Variants in SLC13A1 observed in about 807,000 individuals in gnomAD.
The protein encoded by SLC13A1 is solute carrier family 13 member 1, also known as Na(+)/sulfate cotransporter.
A neutral mutation model predicts 70.0 loss-of-function variants in SLC13A1; 65 were observed. The observed-to-expected ratio is 0.93, with a 90% CI of 0.76 to 1.14. SLC13A1 has a LOEUF of 1.14. SLC13A1 is among the 50% of genes most tolerant of loss of function. The probability of loss-of-function intolerance (pLI) is 0.00; values close to 1 mark genes in which losing one functional copy is unlikely to be tolerated. For missense variants in SLC13A1, 726 were observed against 717.8 expected (o/e 1.01, Z -0.13); for synonymous variants, 275 against 250.5 (o/e 1.10, Z -0.92).
intron 11 of SLC13A1, 85 bp from the exon 12 acceptor site, chr7:123,123,320 C>A: frequency 1.2e-6 from 1 of 848,374 alleles, no homozygotes; most frequent in South Asian, 1.4e-5. Context: ...AGCCATCTTA[C>A]AGGAAGTTTG....
chr7:123,118,288 A>G (rs1404837923), intron 13 of SLC13A1, among the ~76,000 whole-genome samples: 1 of 152,190 alleles, frequency 6.6e-6, no homozygotes, highest in East Asian at 1.9e-4. Flanking sequence ...TTCCATGTTG[A>G]GAAATTTTAA....
chr7:123,152,045 A>G (rs1379921516), intron 6 of SLC13A1, among the ~76,000 whole-genome samples: 3 of 152,106 alleles, frequency 2.0e-5, no homozygotes, highest in Non-Finnish European at 4.4e-5. Context: ...AGATTACAAG[A>G]ATCTAAATGT....
chr7:123,156,184 G>A (rs1248717673), intron 6 of SLC13A1, among the ~76,000 whole-genome samples: 2 of 151,954 alleles, frequency 1.3e-5, no homozygotes, highest in African/African-American at 4.8e-5. Flanking sequence ...GGGATAATGG[G>A]GTTATTTTCC....
intron 12 of SLC13A1, among the ~76,000 whole-genome samples, chr7:123,121,387 G>A (rs1331392581): frequency 6.6e-6 from 1 of 151,946 alleles, no homozygotes; most frequent in Non-Finnish European, 1.5e-5. Flanking sequence ...CAGCCTATAT[G>A]TTTCATATTT....
chr7:123,181,128 G>A (rs1265935893), intron 1 of SLC13A1, 27 bp from the exon 2 acceptor site: 1 of 1,603,722 alleles, frequency 6.2e-7, no homozygotes, highest in Non-Finnish European at 8.5e-7. Context: ...CAAAGCAAAA[G>A]GTGATATTAT....
intron 1 of SLC13A1, chr7:123,186,833 A>C (rs1018661592): frequency 4.5e-6 from 2 of 440,824 alleles, no homozygotes; most frequent in African/African-American, 4.1e-5. Flanking sequence ...GAATGATAGC[A>C]ACAAAAATAA....
intron 7 of SLC13A1, among the ~76,000 whole-genome samples, chr7:123,146,024 A>C (rs557118879): frequency 6.6e-6 from 1 of 152,130 alleles, no homozygotes; most frequent in South Asian, 2.1e-4. Flanking sequence ...TGAAATTCTG[A>C]TTATTATCTG....
intron 6 of SLC13A1, among the ~76,000 whole-genome samples, chr7:123,150,183 T>G (rs531361775): frequency 2.5e-4 from 38 of 152,272 alleles, no homozygotes; most frequent in African/African-American, 8.7e-4. Flanking sequence ...ATATAAAACC[T>G]TCTTTATTAT....
At position 123,174,336 on chromosome 7, in the gene SLC13A1, A is replaced by G. The variant is rs28666792; in HGVS notation, c.229-2432T>C. 8.2e-3 allele frequency among the ~76,000 whole-genome samples: 1,245 copies of G among 152,176 alleles called. 17 individuals are homozygous for G. The highest frequency in any genetic ancestry group is 0.029 in the African/African-American group (1,194 of 41,546). ...ACACCTACAATTCAACATATCCACA[A>G]TGACACTTCTCATTTTCTCACTCCC... On this transcript the variant is annotated intron_variant, in intron 2 of 14. Transcript: ENST00000194130.
intron 7 of SLC13A1, among the ~76,000 whole-genome samples, chr7:123,136,454 C>A (rs1793951415): frequency 6.6e-6 from 1 of 152,138 alleles, no homozygotes; most frequent in Admixed American, 6.6e-5. Flanking sequence ...TTTTCTTTTG[C>A]TGTGATGTTC....
In SLC13A1 at chr7:123,115,532, CATT is replaced by C; in HGVS notation, c.1771_1773del (p.Asn591del). 6.2e-7 allele frequency: 1 copy of C among 1,612,610 alleles called. No homozygotes were observed. Among genetic ancestry groups the C allele is most frequent in the Non-Finnish European group, 8.5e-7 (1 of 1,178,912 alleles). On this transcript the variant is annotated inframe_deletion, in exon 15 of 15. Coordinates refer to ENST00000194130, the MANE Select transcript of SLC13A1 (RefSeq NM_022444.4). Reference sequence around the variant, plus strand: ...TTTTGTGCTTATTATGGCATGGTCTCATTACTCATAGCAGGAGCCCACGAAGGG... The same window carrying C: ...TTTTGTGCTTATTATGGCATGGTCTCACTCATAGCAGGAGCCCACGAAGGG...
intron 2 of SLC13A1, among the ~76,000 whole-genome samples, chr7:123,172,569 C>T (rs1272943290): frequency 6.6e-6 from 1 of 152,110 alleles, no homozygotes; most frequent in Non-Finnish European, 1.5e-5. Context: ...TGCAGTGAGC[C>T]GAGATCGTGC....
chr7:123,198,035 T>C (rs114716864), intron 1 of SLC13A1, among the ~76,000 whole-genome samples: 1,570 of 152,192 alleles, frequency 0.01, 32 homozygotes, highest in African/African-American at 0.035. Context: ...TAAGTAAGAA[T>C]GTATGCTGAG....
chr7:123,197,625 A>T (rs1169810206), intron 1 of SLC13A1, among the ~76,000 whole-genome samples: 1 of 152,144 alleles, frequency 6.6e-6, no homozygotes, highest in African/African-American at 2.4e-5. Flanking sequence ...TCATGTTATT[A>T]TACTAGGAAT....
intron 10 of SLC13A1, among the ~76,000 whole-genome samples, chr7:123,127,484 G>A (rs1431173528): frequency 6.6e-6 from 1 of 151,916 alleles, no homozygotes; most frequent in African/African-American, 2.4e-5. Context: ...TTTTAAAAGG[G>A]GGAAGCATTA....
At position 123,113,812 on chromosome 7, in the gene SLC13A1, A is replaced by G. The variant is rs1220206968; in HGVS notation, c.*1706T>C. On this transcript the variant is annotated 3_prime_UTR_variant, in exon 15 of 15. Transcript: ENST00000194130. Reference sequence around the variant, plus strand: ...TTGGCCCATTAATAAACATAGATAAATAATGAACATGGCCAATTAATAATT... The same window carrying G: ...TTGGCCCATTAATAAACATAGATAAGTAATGAACATGGCCAATTAATAATT... 1 of 152,200 alleles carries G rather than the reference A, an allele frequency of 6.6e-6. No homozygotes were observed. Among genetic ancestry groups the G allele is most frequent in the Non-Finnish European group, 1.5e-5 (1 of 68,034 alleles). 9.4% of individuals were successfully genotyped at this position (152,200 alleles called of 1,614,324 possible).
chr7:123,119,878 A>G (rs1793315968), intron 12 of SLC13A1, among the ~76,000 whole-genome samples: 2 of 152,002 alleles, frequency 1.3e-5, no homozygotes, highest in African/African-American at 4.8e-5. Context: ...TTAAATAAAT[A>G]TTGTTCATAG....
intron 6 of SLC13A1, among the ~76,000 whole-genome samples, chr7:123,147,931 T>C (rs1585330385): frequency 6.6e-6 from 1 of 152,156 alleles, no homozygotes; most frequent in Non-Finnish European, 1.5e-5. Context: ...ATACTGGTGG[T>C]ACATACTCAA....
At chr7:123,121,040 A>AT (rs1319574231) in intron 12 of SLC13A1, among the ~76,000 whole-genome samples, 1 of 151,520 alleles carries the variant, frequency 6.6e-6, no homozygotes, top group South Asian at 2.1e-4. Flanking sequence ...CTTCTTTTCT[A>AT]TTTTTTTCTC....
Sources: gnomAD v4.1 joint callset for allele counts (sites outside exome capture counted in the v4.1 genomes callset) on GRCh38, gnomAD v4.1.1 for gene constraint, MANE v1.5 for transcripts, NCBI Gene and HGNC (gene_info 2026-07-23, HGNC 2026-07-21) for gene names.